CARNMT1: variants seen among roughly 807,000 people sequenced by gnomAD.
CARNMT1 encodes protein-L-histidine N-pros-methyltransferase CARNMT1.
CARNMT1 carries 28 observed loss-of-function variants against 49.6 expected under a neutral mutation model. The observed-to-expected ratio is 0.56, with a 90% CI of 0.42 to 0.77. The LOEUF (loss-of-function observed/expected upper bound fraction) is 0.77. Among genes scored for constraint, CARNMT1 ranks in the 30% least tolerant of loss-of-function variants. The probability of loss-of-function intolerance (pLI) is 0.00; values close to 1 mark genes in which losing one functional copy is unlikely to be tolerated. For missense variants in CARNMT1, 421 were observed against 512.6 expected, an observed-to-expected ratio of 0.82 and a Z score of 1.73; for synonymous variants, 178 against 175.0, an observed-to-expected ratio of 1.02 and a Z score of -0.13.
chr9:75,023,472 G>A (rs1822436930), intron 1 of CARNMT1, among the ~76,000 whole-genome samples: 1 of 152,184 alleles, frequency 6.6e-6, no homozygotes, highest in Admixed American at 6.5e-5. Context: ...TTGGTTACAA[G>A]AGCTGTCAAT....
Position 75,017,441 on chromosome 9 carries a change from T to C in CARNMT1, c.238A>G (p.Met80Val), listed in dbSNP as rs768079901. ...TCTGTTCGGTTCACCCGCTCATGCATACTGGTGCTAAAACATAAAAGGTGT... is the reference window on the plus strand; with the variant it reads ...TCTGTTCGGTTCACCCGCTCATGCACACTGGTGCTAAAACATAAAAGGTGT... ...INAFRYYGTSMHERVNRTERQ... is the reference protein window; with the variant it reads ...INAFRYYGTSVHERVNRTERQ... The change falls in exon 2 of 8, where the codon ATG (methionine) becomes GTG (valine). Residue 80 changes from methionine (M) to valine (V), a missense_variant. Met to Val is a conservative substitution (Grantham distance 21). Around this residue, in one of 2 missense-constraint regions of CARNMT1, gnomAD observed 186 missense variants for 167.9 expected, o/e 1.11. Coordinates refer to ENST00000376834, the MANE Select transcript of CARNMT1 (RefSeq NM_152420.3). 2.5e-6 allele frequency: 4 copies of C among 1,613,216 alleles called. No homozygotes were observed. In the Admixed American group the frequency reaches 6.7e-5, roughly 27 times the overall value.
In CARNMT1 at chr9:75,027,934, C is replaced by T. The variant is rs986162121; in HGVS notation, c.230+78G>A. On this transcript the variant is annotated intron_variant, in intron 1 of 7. Transcript: ENST00000376834. ...GGAGGCGTGGCGGCGGGACGGCGAG[C>T]GCCCCCGTTCCGGCGGGTCCGCCGC... 6.1e-5 allele frequency: 86 copies of T among 1,403,976 alleles called. No homozygotes were observed. The African/African-American group carries it at 1.1e-3, about 19-fold the overall frequency. 87.0% of individuals were successfully genotyped at this position (1,403,976 alleles called of 1,614,324 possible). A position where few individuals can be genotyped will look rare whatever the true frequency, so the allele number is the denominator to read the frequency against.
intron 1 of CARNMT1, among the ~76,000 whole-genome samples, chr9:75,020,974 A>G (rs768766173): frequency 6.6e-6 from 1 of 152,182 alleles, no homozygotes; most frequent in South Asian, 2.1e-4. Context: ...CAGAAGCAAG[A>G]TAAGAATGAA....
chr9:75,021,403 C>G (rs961259125), intron 1 of CARNMT1, among the ~76,000 whole-genome samples: 9 of 143,758 alleles, frequency 6.3e-5, no homozygotes, highest in African/African-American at 2.3e-4. Flanking sequence ...AGTATATATA[C>G]TATATACATA....
At chr9:75,012,265 G>A (rs1213829898) in intron 3 of CARNMT1, among the ~76,000 whole-genome samples, 1 of 151,336 alleles carries the variant, frequency 6.6e-6, no homozygotes, top group Admixed American at 6.6e-5. Context: ...CCCAGGTACT[G>A]AGGGTCTTCA....
Position 74,998,711 on chromosome 9 carries a change from G to A in CARNMT1, c.797C>T (p.Ser266Leu). ...WIHQFSNNRR[S>L]ADQIRPIFFP... ...AAAGATGGGTCGAATCTGATCAGCT[G>A]ATCTCCGGTTATTGCTAAACTGATG... The change falls in exon 5 of 8, where the codon TCA (serine) becomes TTA (leucine). Residue 266 changes from serine (S) to leucine (L), a missense_variant. Transcript: ENST00000376834. The A allele has an allele frequency of 6.2e-7, 1 of 1,606,000 alleles. No individual in the cohort carries two copies. Among genetic ancestry groups the A allele is most frequent in the Non-Finnish European group, 8.5e-7 (1 of 1,175,712 alleles).
At chr9:75,014,301 A>G (rs938287159) in intron 3 of CARNMT1, among the ~76,000 whole-genome samples, 1 of 152,188 alleles carries the variant, frequency 6.6e-6, no homozygotes, top group African/African-American at 2.4e-5. Flanking sequence ...TTCTGTGTGT[A>G]CTGTAGACAA....
rs140399728 is a variant in CARNMT1 at position 75,012,184 on chromosome 9, T to C, written c.590+4084A>G. On this transcript the variant is annotated intron_variant, in intron 3 of 7. Coordinates refer to ENST00000376834, the MANE Select transcript of CARNMT1 (RefSeq NM_152420.3). Reference sequence around the variant, plus strand: ...GCCAAACACTATATATCCTTGACCATTTGAGATGTGACTGAATATCACTTA... The same window carrying C: ...GCCAAACACTATATATCCTTGACCACTTGAGATGTGACTGAATATCACTTA... 1.9e-4 allele frequency among the ~76,000 whole-genome samples: 29 copies of C among 152,282 alleles called. 1 individual carries two copies. Among genetic ancestry groups the C allele is most frequent in the African/African-American group, 7.0e-4 (29 of 41,570 alleles).
intron 4 of CARNMT1, among the ~76,000 whole-genome samples, chr9:74,999,242 A>G (rs1833287349): frequency 6.6e-6 from 1 of 152,162 alleles, no homozygotes; most frequent in African/African-American, 2.4e-5. Context: ...TTTAAAAATA[A>G]CAATTGTTTT....
intron 6 of CARNMT1, among the ~76,000 whole-genome samples, chr9:74,989,624 T>C (rs911092545): frequency 6.6e-6 from 1 of 152,264 alleles, no homozygotes; most frequent in African/African-American, 2.4e-5. Context: ...GACTGGATCA[T>C]AGGGGTGGCT....
intron 2 of CARNMT1, 155 bp downstream of exon 2, chr9:75,017,098 A>G (rs1336510965): frequency 3.3e-6 from 2 of 605,512 alleles, no homozygotes; most frequent in Non-Finnish European, 5.8e-6. Context: ...TCTGGCTATT[A>G]AGCCTAATCA....
intron 3 of CARNMT1, among the ~76,000 whole-genome samples, chr9:75,001,059 C>T (rs1457968827): frequency 6.6e-6 from 1 of 152,070 alleles, no homozygotes; most frequent in East Asian, 1.9e-4. Context: ...TTTCTCAGTT[C>T]CCATCTGTCC....
chr9:74,984,855 T>G, intron 7 of CARNMT1, 52 bp downstream of exon 7: 1 of 1,168,612 alleles, frequency 8.6e-7, no homozygotes, highest in Non-Finnish European at 1.3e-6. Flanking sequence ...TCAACACTTC[T>G]GTTGAGGTGC....
At chr9:75,022,769 G>A (rs888274751) in intron 1 of CARNMT1, among the ~76,000 whole-genome samples, 3 of 152,050 alleles carry the variant, frequency 2.0e-5, no homozygotes, top group Non-Finnish European at 2.9e-5. Context: ...AGTGAACTTA[G>A]CACATGCCCC....
Position 75,028,026 on chromosome 9 carries a change from G to A in CARNMT1, c.216C>T (p.Ala72=), listed in dbSNP as rs937065087. 3.2e-6 allele frequency: 5 copies of A among 1,571,252 alleles called. No homozygotes were observed. The highest frequency in any genetic ancestry group is 1.4e-5 in the African/African-American group (1 of 70,560). ...GGGCTCCTTACCCGTAGTAGCGGAA[G>A]GCATTAATGATCTTCCAGAAGTGCT... ...EREHFWKIIN[A]FRYYGTSMHE... The change falls in exon 1 of 8, where the codon GCC becomes GCT. Residue 72 remains alanine (A), a synonymous_variant. Coordinates refer to ENST00000376834, the MANE Select transcript of CARNMT1 (RefSeq NM_152420.3).
intron 7 of CARNMT1, among the ~76,000 whole-genome samples, chr9:74,984,348 G>T (rs1038052089): frequency 1.3e-5 from 2 of 152,162 alleles, no homozygotes; most frequent in Non-Finnish European, 1.5e-5. Context: ...GTGAGAGTCT[G>T]TAAGATCAGT....
chr9:74,996,659 A>C (rs1833196477), intron 5 of CARNMT1, 99 bp from the exon 6 acceptor site: 5 of 647,596 alleles, frequency 7.7e-6, no homozygotes, highest in African/African-American at 1.9e-5. Context: ...ACAGAGTATT[A>C]ATATTTGACA....
chr9:75,005,436 A>G (rs2118816670), intron 3 of CARNMT1, among the ~76,000 whole-genome samples: 1 of 152,176 alleles, frequency 6.6e-6, no homozygotes, highest in East Asian at 1.9e-4. Flanking sequence ...ATGACCACAA[A>G]TATAGTTAAT....
intron 3 of CARNMT1, among the ~76,000 whole-genome samples, chr9:75,007,741 AT>A (rs779328578): frequency 0.089 from 10,389 of 116,454 alleles, 1,536 homozygotes; most frequent in East Asian, 0.21. Flanking sequence ...AAAAATAAAA[AT>A]AATAAAAAAA....
Sources: gnomAD v4.1 joint callset for allele counts (sites outside exome capture counted in the v4.1 genomes callset) on GRCh38, gnomAD v4.1.1 for gene constraint, gnomAD v4.1.1 regional missense constraint, MANE v1.5 for transcripts, NCBI Gene and HGNC (gene_info 2026-07-23, HGNC 2026-07-21) for gene names.